The following LRPPRC variants were observed in gnomAD, a reference collection of about 807,000 sequenced individuals.
LRPPRC encodes the protein leucine-rich PPR motif-containing protein, mitochondrial.
In LRPPRC, 120 loss-of-function variants were observed where a neutral mutation model predicts 180.3. That is an observed-to-expected ratio of 0.67 (90% CI 0.57 to 0.77). The LOEUF (loss-of-function observed/expected upper bound fraction) is 0.77. LRPPRC is among the 30% of genes least tolerant of loss of function. LRPPRC has a pLI of 0.00. For missense variants in LRPPRC, 2,012 were observed against 1,657.2 expected (o/e 1.21, Z -3.72); for synonymous variants, 723 against 600.0 (o/e 1.21, Z -3.00).
chr2:43,988,841 C>T (rs953416570), intron 1 of LRPPRC, among the ~76,000 whole-genome samples: 1 of 152,056 alleles, frequency 6.6e-6, no homozygotes, highest in African/African-American at 2.4e-5. Flanking sequence ...CCACGCCTGA[C>T]CAAATGCCTC....
chr2:43,978,577 T>C (rs1370710264), intron 3 of LRPPRC, among the ~76,000 whole-genome samples: 1 of 152,134 alleles, frequency 6.6e-6, no homozygotes, highest in African/African-American at 2.4e-5. Context: ...TTCTAATTTT[T>C]AGAGATTCAA....
intron 23 of LRPPRC, among the ~76,000 whole-genome samples, chr2:43,936,409 T>G (rs1350283222): frequency 1.3e-5 from 2 of 152,232 alleles, no homozygotes; most frequent in Non-Finnish European, 2.9e-5. Flanking sequence ...AGAGGCATGG[T>G]TAGAGACATG....
At chr2:43,977,298 A>T (rs1383154553) in intron 3 of LRPPRC, 22 bp from the exon 4 acceptor site, 1 of 1,585,290 alleles carries the variant, frequency 6.3e-7, no homozygotes. Flanking sequence ...ATTTAAAATG[A>T]ATTTTTAGAA....
intron 2 of LRPPRC, among the ~76,000 whole-genome samples, chr2:43,981,552 G>A (rs62135114): frequency 0.19 from 28,915 of 151,670 alleles, 3,576 homozygotes; most frequent in African/African-American, 0.35. Flanking sequence ...AGCTACTTGG[G>A]AGGCTGAGGC....
chr2:43,974,752 C>A lies in LRPPRC; in HGVS notation c.871G>T (p.Glu291Ter). 1.9e-6 allele frequency: 3 copies of A among 1,613,318 alleles called. No homozygotes were observed. The highest frequency in any genetic ancestry group is 2.5e-6 in the Non-Finnish European group (3 of 1,179,438). ...TGAAGCTCGGACTTCTCCACCTTCT[C>A]CAGAGTCTATAGAGAGTTCCAGAAA... ...GDIDHVKQTL[E>*]KVEKSELHLM... Residue 291 changes from glutamate (E) to a stop codon, truncating the protein, a stop_gained, in exon 8 of 38, where the codon GAG becomes TAG. Coordinates refer to ENST00000260665, the MANE Select transcript of LRPPRC (RefSeq NM_133259.4). LOFTEE classifies it high-confidence loss of function.
chr2:43,976,290 G>T, intron 5 of LRPPRC, 61 bp from the exon 6 acceptor site: 1 of 917,994 alleles, frequency 1.1e-6, no homozygotes, highest in Non-Finnish European at 1.8e-6. Context: ...TTTACAACAT[G>T]TACAGAATTA....
In LRPPRC at chr2:43,887,424, G is replaced by A. The variant is rs1670308503; in HGVS notation, c.*1176C>T. 1 of 152,232 alleles carries A rather than the reference G, an allele frequency of 6.6e-6. No homozygotes were observed. Among genetic ancestry groups the A allele is most frequent in the Non-Finnish European group, 1.5e-5 (1 of 68,088 alleles). 9.4% of individuals were successfully genotyped at this position (152,232 alleles called of 1,614,324 possible). On this transcript the variant is annotated 3_prime_UTR_variant, in exon 38 of 38. Transcript: ENST00000260665. ...GCAGGAGAGAGAGTTCCACAAGACA[G>A]AAGGTCAACAGCACAAGTTGCAAGA... is the stretch of plus-strand genomic sequence containing the variant.
At chr2:43,959,129 T>A in intron 13 of LRPPRC, 1 of 689,746 alleles carries the variant, frequency 1.4e-6, no homozygotes, top group South Asian at 1.6e-5. Flanking sequence ...GATGATATGA[T>A]AAAAGGAAAA....
chr2:43,895,518 T>C (rs1670646782), intron 35 of LRPPRC, among the ~76,000 whole-genome samples: 1 of 152,212 alleles, frequency 6.6e-6, no homozygotes, highest in Admixed American at 6.5e-5. Context: ...GACAAGTGCT[T>C]TTCAGATTCC....
chr2:43,918,159 A>G (rs769303242), intron 28 of LRPPRC, 26 bp from the exon 29 acceptor site: 1 of 1,602,442 alleles, frequency 6.2e-7, no homozygotes, highest in Non-Finnish European at 8.6e-7. Flanking sequence ...ATTCTGTTAA[A>G]TAAAAACTGG....
chr2:43,951,905 T>C (rs766065311), intron 14 of LRPPRC, among the ~76,000 whole-genome samples: 6 of 152,252 alleles, frequency 3.9e-5, no homozygotes, highest in South Asian at 2.1e-4. Flanking sequence ...AAATAAAAAA[T>C]AGTTAAGGCT....
Position 43,918,280 on chromosome 2 carries a change from C to G in LRPPRC, c.3015G>C (p.Gln1005His). 6.2e-7 allele frequency: 1 copy of G among 1,613,200 alleles called. No homozygotes were observed. Among genetic ancestry groups the G allele is most frequent in the Non-Finnish European group, 8.5e-7 (1 of 1,179,200 alleles). Reference protein sequence around the residue: ...LLAEILREGNQEVPFDVPELW... With the variant: ...LLAEILREGNHEVPFDVPELW... The stretch of plus-strand genomic sequence containing the variant: ...CCTCAGGTACGTCAAACGGAACTTC[C>G]TGGTTACCCTCTCTAAGGATTTCTG... Residue 1005 changes from glutamine to histidine, a missense_variant, in exon 28 of 38, where the codon CAG (glutamine) becomes CAC (histidine). Gln to His is a conservative substitution (Grantham distance 24, BLOSUM62 0). Transcript: ENST00000260665.
At chr2:43,922,958 G>A (rs536798888) in intron 27 of LRPPRC, among the ~76,000 whole-genome samples, 1 of 152,186 alleles carries the variant, frequency 6.6e-6, no homozygotes, top group Admixed American at 6.5e-5. Flanking sequence ...CTTCTCTATA[G>A]GATTCCACTG....
At chr2:43,905,441 C>G (rs1467421633) in intron 31 of LRPPRC, among the ~76,000 whole-genome samples, 1 of 152,196 alleles carries the variant, frequency 6.6e-6, no homozygotes, top group Non-Finnish European at 1.5e-5. Flanking sequence ...AGCTGTGATT[C>G]ATCTTAAGAA....
intron 3 of LRPPRC, among the ~76,000 whole-genome samples, chr2:43,977,914 T>C (rs1343826823): frequency 6.6e-6 from 1 of 152,174 alleles, no homozygotes; most frequent in East Asian, 1.9e-4. Flanking sequence ...CTCACTACAT[T>C]TTCATGCATT....
intron 27 of LRPPRC, among the ~76,000 whole-genome samples, chr2:43,921,690 T>G (rs896079206): frequency 3.3e-5 from 5 of 152,188 alleles, no homozygotes; most frequent in Admixed American, 2.0e-4. Flanking sequence ...AATGACATTT[T>G]CATAGTTAGC....
At chr2:43,907,635 G>T (rs1430956392) in intron 30 of LRPPRC, among the ~76,000 whole-genome samples, 3 of 152,104 alleles carry the variant, frequency 2.0e-5, no homozygotes, top group Admixed American at 2.0e-4. Context: ...AATTTAAGCA[G>T]TCACATATGA....
intron 31 of LRPPRC, 58 bp from the exon 32 acceptor site, chr2:43,901,582 AT>A (rs1670889241): frequency 8.9e-7 from 1 of 1,121,666 alleles, no homozygotes; most frequent in African/African-American, 1.5e-5. Flanking sequence ...ACTTTAATGC[AT>A]TTTGAAAACC....
Position 43,963,589 on chromosome 2 carries a change from T to C in LRPPRC, c.1487A>G (p.Gln496Arg), listed in dbSNP as rs1435571749. The C allele has an allele frequency of 1.3e-6, 2 of 1,564,788 alleles. No homozygotes were observed. The highest frequency in any genetic ancestry group is 2.7e-5 in the African/African-American group (2 of 73,826). The change falls in exon 12 of 38, where the codon CAG (glutamine) becomes CGG (arginine). Residue 496 changes from glutamine (Q) to arginine (R), a missense_variant and splice_region_variant. Coordinates refer to ENST00000260665, the MANE Select transcript of LRPPRC (RefSeq NM_133259.4). ...DSVNSARAIL[Q>R]ENGCLSDSDM... ...AATTAAAACCACACTTGTACTCACCTGCAAAATGGCTCGTGCTGAGTTTAC... is the reference window on the plus strand; with the variant it reads ...AATTAAAACCACACTTGTACTCACCCGCAAAATGGCTCGTGCTGAGTTTAC...
Sources: allele counts gnomAD v4.1 joint callset (sites outside exome capture counted in the v4.1 genomes callset), GRCh38; gene constraint gnomAD v4.1.1; transcripts MANE v1.5; gene names NCBI Gene and HGNC (gene_info 2026-07-23, HGNC 2026-07-21).